FBN2: variants seen among roughly 807,000 people sequenced by gnomAD.
The protein encoded by FBN2 is fibrillin-2.
FBN2 carries 105 observed loss-of-function variants against 355.6 expected under a neutral mutation model. The observed-to-expected ratio is 0.30, with a 90% CI of 0.25 to 0.35. The LOEUF (loss-of-function observed/expected upper bound fraction) is 0.35. Ranked by LOEUF, FBN2 falls within the 10% of genes least tolerant of loss-of-function variation. The pLI, the probability that FBN2 is intolerant of heterozygous loss-of-function variation, is 1.00. For missense variants in FBN2, 3,280 were observed against 3,758.7 expected, an observed-to-expected ratio of 0.87 and a Z score of 3.33; for synonymous variants, 1,350 against 1,301.2, an observed-to-expected ratio of 1.04 and a Z score of -0.81.
intron 10 of FBN2, among the ~76,000 whole-genome samples, chr5:128,392,501 A>G (rs551585979): frequency 2.0e-5 from 3 of 152,260 alleles, no homozygotes; most frequent in Non-Finnish European, 2.9e-5. Context: ...AAGAATAAAC[A>G]TAACACTGTA....
At chr5:128,457,162 G>A (rs183731856) in intron 6 of FBN2, among the ~76,000 whole-genome samples, 152 of 152,244 alleles carry the variant, frequency 1.0e-3, no homozygotes, top group African/African-American at 3.5e-3. Context: ...GCATACACAA[G>A]TATCAACAGC....
At chr5:128,366,880 C>G (rs556122245) in intron 16 of FBN2, among the ~76,000 whole-genome samples, 1 of 152,112 alleles carries the variant, frequency 6.6e-6, no homozygotes, top group East Asian at 1.9e-4. Context: ...TTGTATTTTC[C>G]TTTTTACAAC....
chr5:128,455,679 G>A lies in FBN2; in HGVS notation c.826+9045C>T, dbSNP rs147991346. 9.2e-5 allele frequency among the ~76,000 whole-genome samples: 14 copies of A among 151,928 alleles called. No homozygotes were observed. The East Asian group carries it at 2.3e-3, about 25-fold the overall frequency. On this transcript the variant is annotated intron_variant, in intron 6 of 64. Coordinates refer to ENST00000262464, the MANE Select transcript of FBN2 (RefSeq NM_001999.4). ...AGAAGGATGAGTAGTGTGGTGCCAC[G>A]GCCCACTTGAGAGCCACACGGGGAT... is the stretch of plus-strand genomic sequence containing the variant.
intron 15 of FBN2, among the ~76,000 whole-genome samples, chr5:128,371,811 G>T (rs2126951108): frequency 6.6e-6 from 1 of 152,258 alleles, no homozygotes; most frequent in East Asian, 1.9e-4. Flanking sequence ...GGGATTACAG[G>T]TGTGAGCCAC....
chr5:128,501,157 T>G (rs1283072328), intron 5 of FBN2, among the ~76,000 whole-genome samples: 2 of 152,190 alleles, frequency 1.3e-5, no homozygotes, highest in African/African-American at 4.8e-5. Context: ...GTCCTGTAGC[T>G]GAAATGGGAG....
intron 11 of FBN2, among the ~76,000 whole-genome samples, chr5:128,390,805 T>G (rs1459816073): frequency 6.6e-6 from 1 of 152,208 alleles, no homozygotes; most frequent in Non-Finnish European, 1.5e-5. Flanking sequence ...AGTGAGCCTG[T>G]CACTTTAAGA....
chr5:128,465,821 C>A (rs938362881), intron 5 of FBN2, among the ~76,000 whole-genome samples: 1 of 152,194 alleles, frequency 6.6e-6, no homozygotes, highest in African/African-American at 2.4e-5. Flanking sequence ...CCCCGCCTCT[C>A]AAGGTTTCTA....
chr5:128,347,973 G>GC (rs1554123961), intron 23 of FBN2, among the ~76,000 whole-genome samples: 6 of 94,322 alleles, frequency 6.4e-5, no homozygotes, highest in Admixed American at 1.1e-4. Context: ...GAGACGGGGA[G>GC]GGGGGGGTTC....
At chr5:128,322,099 TTGTC>T (rs1750391616) in intron 34 of FBN2, among the ~76,000 whole-genome samples, 1 of 152,192 alleles carries the variant, frequency 6.6e-6, no homozygotes, top group African/African-American at 2.4e-5. Context: ...CTTTTGAAAA[TTGTC>T]TGTTCATATC....
chr5:128,534,042 C>G (rs1056993140), intron 2 of FBN2, among the ~76,000 whole-genome samples: 3 of 152,098 alleles, frequency 2.0e-5, no homozygotes, highest in African/African-American at 7.2e-5. Flanking sequence ...TTTTTAATAT[C>G]TTCTCCTTAT....
chr5:128,298,887 C>T (rs938967133), intron 48 of FBN2, among the ~76,000 whole-genome samples: 6 of 152,188 alleles, frequency 3.9e-5, no homozygotes, highest in Non-Finnish European at 4.4e-5. Flanking sequence ...TGAGGAACTG[C>T]GTTCCTTTGG....
At chr5:128,521,494 T>C (rs1276092709) in intron 4 of FBN2, among the ~76,000 whole-genome samples, 1 of 152,196 alleles carries the variant, frequency 6.6e-6, no homozygotes, top group African/African-American at 2.4e-5. Context: ...CAAACCTGCA[T>C]GTCCTGTGCA....
intron 5 of FBN2, among the ~76,000 whole-genome samples, chr5:128,496,793 T>C (rs989327963): frequency 6.6e-6 from 1 of 151,708 alleles, no homozygotes; most frequent in African/African-American, 2.4e-5. Context: ...ATTTAATATA[T>C]AATACATGTA....
intron 5 of FBN2, among the ~76,000 whole-genome samples, chr5:128,492,573 C>A (rs962602822): frequency 6.6e-6 from 1 of 152,118 alleles, no homozygotes; most frequent in African/African-American, 2.4e-5. Flanking sequence ...GAGGCTGAGG[C>A]GGGTGGATCA....
chr5:128,353,886 T>G (rs1751433120), intron 20 of FBN2, among the ~76,000 whole-genome samples: 1 of 152,182 alleles, frequency 6.6e-6, no homozygotes, highest in African/African-American at 2.4e-5. Flanking sequence ...TTCTTTAGGC[T>G]GGTGCTGTAT....
intron 7 of FBN2, among the ~76,000 whole-genome samples, chr5:128,437,445 G>C (rs1165362316): frequency 2.0e-5 from 3 of 152,104 alleles, no homozygotes; most frequent in African/African-American, 7.2e-5. Context: ...ATGATGAATG[G>C]AGTATCTCTA....
intron 16 of FBN2, among the ~76,000 whole-genome samples, chr5:128,367,217 C>A (rs1751796260): frequency 6.6e-6 from 1 of 152,140 alleles, no homozygotes; most frequent in Non-Finnish European, 1.5e-5. Flanking sequence ...TTCTTCCCCT[C>A]CTAAAACGCC....
chr5:128,345,322 G>A (rs1751144892), intron 24 of FBN2, 35 bp downstream of exon 24: 1 of 1,532,102 alleles, frequency 6.5e-7, no homozygotes, highest in Non-Finnish European at 9.0e-7. Context: ...TCCTGTTGGT[G>A]AAGAAGGACC....
intron 5 of FBN2, among the ~76,000 whole-genome samples, chr5:128,470,635 T>C (rs971386909): frequency 2.0e-5 from 3 of 152,054 alleles, no homozygotes; most frequent in Admixed American, 2.0e-4. Context: ...GAATCTATGC[T>C]GGACAAGACG....
Sources: gnomAD v4.1 joint callset for allele counts (sites outside exome capture counted in the v4.1 genomes callset) on GRCh38, gnomAD v4.1.1 for gene constraint, MANE v1.5 for transcripts, NCBI Gene and HGNC (gene_info 2026-07-23, HGNC 2026-07-21) for gene names.